Variants in CNIH3 observed in about 807,000 individuals in gnomAD.
CNIH3 encodes the protein protein cornichon homolog 3.
In CNIH3, 14 loss-of-function variants were observed where a neutral mutation model predicts 24.1. The ratio of observed to expected loss-of-function variants is 0.58; its 90% CI spans 0.38 to 0.91. The LOEUF (loss-of-function observed/expected upper bound fraction) is 0.91. Among genes scored for constraint, CNIH3 ranks in the 40% least tolerant of loss-of-function variants. The pLI is 0.00. For missense variants in CNIH3, 178 were observed against 196.8 expected, an observed-to-expected ratio of 0.90 and a Z score of 0.57; for synonymous variants, 68 against 73.8, an observed-to-expected ratio of 0.92 and a Z score of 0.40.
At chr1:224,550,540 G>C (rs1679873352) in intron 3 of CNIH3, among the ~76,000 whole-genome samples, 2 of 152,172 alleles carry the variant, frequency 1.3e-5, no homozygotes, top group Admixed American at 1.3e-4. Flanking sequence ...ATCACAGTGT[G>C]TAAACACAGG....
chr1:224,516,364 A>G (rs73131619), intron 1 of CNIH3, among the ~76,000 whole-genome samples: 1,546 of 149,634 alleles, frequency 0.01, 25 homozygotes, highest in African/African-American at 0.035. Flanking sequence ...GGCTTGGCAC[A>G]TAAAGCCCTT....
chr1:224,637,514 A>G (rs890846796), intron 1 of CNIH3, among the ~76,000 whole-genome samples: 2 of 152,122 alleles, frequency 1.3e-5, no homozygotes, highest in African/African-American at 2.4e-5. Context: ...ACATAGCAAG[A>G]TGAAGATCGT....
intron 3 of CNIH3, among the ~76,000 whole-genome samples, chr1:224,561,167 C>T (rs918090380): frequency 2.6e-5 from 4 of 152,104 alleles, no homozygotes; most frequent in Admixed American, 2.6e-4. Context: ...TGACACTTTC[C>T]CACTTTTGTT....
chr1:224,675,522 G>A (rs1192441645), intron 1 of CNIH3, among the ~76,000 whole-genome samples: 2 of 152,174 alleles, frequency 1.3e-5, no homozygotes, highest in Non-Finnish European at 2.9e-5. Flanking sequence ...ACTGTCAAAA[G>A]TGAAATGACA....
intron 5 of CNIH3, among the ~76,000 whole-genome samples, chr1:224,738,109 C>T (rs1295777413): frequency 1.3e-5 from 2 of 152,212 alleles, no homozygotes; most frequent in Admixed American, 6.5e-5. Context: ...TTCACCTCTG[C>T]GTCTGCAGTG....
chr1:224,673,460 T>G (rs1244180162), intron 1 of CNIH3, among the ~76,000 whole-genome samples: 2 of 152,206 alleles, frequency 1.3e-5, no homozygotes, highest in Non-Finnish European at 2.9e-5. Context: ...GCTTATTTCC[T>G]GCTTCTGGCA....
intron 1 of CNIH3, among the ~76,000 whole-genome samples, chr1:224,619,193 A>G (rs1683167892): frequency 6.6e-6 from 1 of 152,218 alleles, no homozygotes; most frequent in African/African-American, 2.4e-5. Flanking sequence ...AGAAAGAATC[A>G]TTTTCTCTCA....
chr1:224,512,263 G>A (rs1025572752), upstream of CNIH3, among the ~76,000 whole-genome samples: 1 of 152,078 alleles, frequency 6.6e-6, no homozygotes. Context: ...GCAGAGGATC[G>A]CTTGAGGTCA....
At chr1:224,701,779 T>C (rs1687504201) in intron 3 of CNIH3, among the ~76,000 whole-genome samples, 1 of 152,156 alleles carries the variant, frequency 6.6e-6, no homozygotes, top group Non-Finnish European at 1.5e-5. Context: ...AGGAGGAAAT[T>C]GAGGGACAGA....
intron 3 of CNIH3, among the ~76,000 whole-genome samples, chr1:224,719,886 G>A (rs1310031994): frequency 6.6e-6 from 1 of 152,192 alleles, no homozygotes; most frequent in Non-Finnish European, 1.5e-5. Flanking sequence ...TTGTGGTAAA[G>A]CTTGGCACAG....
At chr1:224,507,117 A>AG (rs1335218111) in intron 1 of CNIH3, among the ~76,000 whole-genome samples, 4 of 152,142 alleles carry the variant, frequency 2.6e-5, no homozygotes, top group African/African-American at 4.8e-5. Context: ...TGCTGGCCTC[A>AG]GCTTCTCACA....
At chr1:224,453,441 G>T (rs1353485571) in intron 1 of CNIH3, among the ~76,000 whole-genome samples, 1 of 151,798 alleles carries the variant, frequency 6.6e-6, no homozygotes, top group Non-Finnish European at 1.5e-5. Context: ...TCCCACTTTG[G>T]CCTCCCAAAG....
chr1:224,538,227 G>A (rs1265365124), downstream of CNIH3, among the ~76,000 whole-genome samples: 1 of 152,138 alleles, frequency 6.6e-6, no homozygotes, highest in Non-Finnish European at 1.5e-5. Flanking sequence ...AGGATTACAG[G>A]AGTGAGCCAC....
At chr1:224,583,804 C>T (rs1048736698) in intron 5 of CNIH3, among the ~76,000 whole-genome samples, 34 of 152,124 alleles carry the variant, frequency 2.2e-4, no homozygotes, top group Non-Finnish European at 3.5e-4. Flanking sequence ...TTGTAATGGC[C>T]TACTTTTAAT....
upstream of CNIH3, among the ~76,000 whole-genome samples, chr1:224,511,894 G>C (rs1414172411): frequency 6.6e-6 from 1 of 152,158 alleles, no homozygotes; most frequent in Non-Finnish European, 1.5e-5. Context: ...GTTTGGAGCT[G>C]GCCAGGCATG....
intron 3 of CNIH3, among the ~76,000 whole-genome samples, chr1:224,605,460 C>G (rs1682379353): frequency 6.6e-6 from 1 of 152,178 alleles, no homozygotes; most frequent in Admixed American, 6.5e-5. Flanking sequence ...AATAATAGCC[C>G]TTCCCCAAAA....
intron 1 of CNIH3, among the ~76,000 whole-genome samples, chr1:224,647,898 A>G (rs955351228): frequency 2.6e-5 from 4 of 152,124 alleles, no homozygotes; most frequent in Admixed American, 6.5e-5. Flanking sequence ...GTCGGTAAGA[A>G]CAGAGTTAAA....
chr1:224,461,799 A>G (rs1675922133), intron 1 of CNIH3, among the ~76,000 whole-genome samples: 1 of 152,088 alleles, frequency 6.6e-6, no homozygotes. Context: ...GTCATTTCCC[A>G]TTCTCTCCTC....
At chr1:224,520,254 A>G (rs972516868) in intron 1 of CNIH3, among the ~76,000 whole-genome samples, 1 of 152,200 alleles carries the variant, frequency 6.6e-6, no homozygotes, top group African/African-American at 2.4e-5. Flanking sequence ...AACATCTCTC[A>G]AGCCTTACAC....
Sources: gnomAD v4.1 joint callset for allele counts (sites outside exome capture counted in the v4.1 genomes callset) on GRCh38, gnomAD v4.1.1 for gene constraint, MANE v1.5 for transcripts, NCBI Gene and HGNC (gene_info 2026-07-23, HGNC 2026-07-21) for gene names.